The following FAM81A variants were observed in gnomAD, a reference collection of about 807,000 sequenced individuals.
FAM81A encodes family with sequence similarity 81 member A.
A neutral mutation model predicts 46.7 loss-of-function variants in FAM81A; 19 were observed. That is an observed-to-expected ratio of 0.41 (90% confidence interval 0.28 to 0.60). FAM81A has a LOEUF of 0.60. Ranked by LOEUF, FAM81A falls within the 20% of genes least tolerant of loss-of-function variation. The probability of loss-of-function intolerance (pLI) is 0.34; values close to 1 mark genes in which losing one functional copy is unlikely to be tolerated. For synonymous variants in FAM81A, 183 were observed against 152.9 expected, an observed-to-expected ratio of 1.20 and a Z score of -1.45; for missense variants, 377 against 453.5, an observed-to-expected ratio of 0.83 and a Z score of 1.53.
upstream of FAM81A, among the ~76,000 whole-genome samples, chr15:59,437,845 C>T (rs1469648758): frequency 4.6e-5 from 7 of 152,190 alleles, no homozygotes; most frequent in Non-Finnish European, 7.4e-5. Context: ...TCAACCATCC[C>T]TACAACAGGA....
intron 4 of FAM81A, among the ~76,000 whole-genome samples, chr15:59,494,212 C>T (rs1452717519): frequency 1.3e-5 from 2 of 152,186 alleles, no homozygotes; most frequent in Non-Finnish European, 2.9e-5. Flanking sequence ...TTATGCATTT[C>T]GGCTTAAAAG....
chr15:59,403,297 G>A (rs879802652), intron 2 of FAM81A, among the ~76,000 whole-genome samples: 9 of 152,116 alleles, frequency 5.9e-5, no homozygotes, highest in Admixed American at 5.9e-4. Flanking sequence ...ATTTAAAGAG[G>A]AAATTAAGGT....
chr15:59,494,388 A>G (rs1175969133), intron 4 of FAM81A, among the ~76,000 whole-genome samples: 2 of 152,200 alleles, frequency 1.3e-5, no homozygotes, highest in East Asian at 3.9e-4. Context: ...GGTGCCCTGC[A>G]TGCGATGAAA....
intron 3 of FAM81A, among the ~76,000 whole-genome samples, chr15:59,470,424 C>G (rs1189379050): frequency 5.9e-5 from 9 of 152,072 alleles, no homozygotes; most frequent in African/African-American, 1.9e-4. Flanking sequence ...TTTTCTCTAA[C>G]CTTGTCTTCT....
chr15:59,436,419 G>A (rs548951132), upstream of FAM81A, among the ~76,000 whole-genome samples: 2 of 152,200 alleles, frequency 1.3e-5, no homozygotes, highest in Admixed American at 6.5e-5. Flanking sequence ...CAGTATTGGG[G>A]TGGGCGGGGA....
chr15:59,490,107 A>T (rs2141749356), intron 3 of FAM81A, among the ~76,000 whole-genome samples: 1 of 152,230 alleles, frequency 6.6e-6, no homozygotes, highest in Non-Finnish European at 1.5e-5. Context: ...CTGAACCAAA[A>T]ATAAAAGTTG....
At position 59,499,661 on chromosome 15, in the gene FAM81A, A is replaced by AGTAAGATTCTTGGTTGGAT. The variant is rs1442583490; in HGVS notation, c.413+7289_413+7307dup. ...ATTTTGCCTTATTTTTTTGAAAAGTAGTAAGATTCTTGGTTGGATGTAAGA... is the reference window on the plus strand; with the variant it reads ...ATTTTGCCTTATTTTTTTGAAAAGTAGTAAGATTCTTGGTTGGATGTAAGATTCTTGGTTGGATGTAAGA... On this transcript the variant is annotated intron_variant, in intron 4 of 8. Coordinates refer to ENST00000288228, the MANE Select transcript of FAM81A (RefSeq NM_152450.3). Among the ~76,000 whole-genome samples, 3 of 152,126 alleles carry AGTAAGATTCTTGGTTGGAT rather than the reference A, an allele frequency of 2.0e-5. No individual in the cohort carries two copies. In the East Asian group the frequency reaches 5.8e-4, roughly 29 times the overall value.
chr15:59,426,657 T>C (rs2081196250), intron 2 of FAM81A, among the ~76,000 whole-genome samples: 1 of 152,196 alleles, frequency 6.6e-6, no homozygotes, highest in African/African-American at 2.4e-5. Context: ...GTACTCAGTT[T>C]ATAAAATCAA....
intron 3 of FAM81A, among the ~76,000 whole-genome samples, chr15:59,491,697 C>T (rs771102163): frequency 2.0e-5 from 3 of 152,220 alleles, no homozygotes; most frequent in Non-Finnish European, 4.4e-5. Context: ...GTAATCCCAG[C>T]ACTTTGGGAG....
chr15:59,510,777 C>CAAAAAAAAAAAAAAAAAAAAAAA (rs71119479), intron 6 of FAM81A, among the ~76,000 whole-genome samples: 2 of 25,774 alleles, frequency 7.8e-5, no homozygotes, highest in African/African-American at 1.6e-4. Context: ...GACCCTGTCT[C>CAAAAAAAAAAAAAAAAAAAAAAA]AAAAAAAAAA....
chr15:59,499,516 G>A (rs2082068666), intron 4 of FAM81A, among the ~76,000 whole-genome samples: 1 of 152,068 alleles, frequency 6.6e-6, no homozygotes, highest in African/African-American at 2.4e-5. Context: ...TTTTTCATGA[G>A]GATTCAAATT....
chr15:59,433,654 A>G (rs914385250), upstream of FAM81A, among the ~76,000 whole-genome samples: 12 of 152,200 alleles, frequency 7.9e-5, no homozygotes, highest in African/African-American at 2.7e-4. Flanking sequence ...ATAAAAGAGG[A>G]AAAAAGGAAT....
At chr15:59,454,976 A>G (rs1348848471) in intron 1 of FAM81A, among the ~76,000 whole-genome samples, 3 of 147,290 alleles carry the variant, frequency 2.0e-5, no homozygotes, top group African/African-American at 7.6e-5. Context: ...GGGTTTTGCC[A>G]TGTTGCCCAG....
chr15:59,421,811 C>CA (rs1223847670), intron 2 of FAM81A, among the ~76,000 whole-genome samples: 2 of 150,712 alleles, frequency 1.3e-5, no homozygotes, highest in Non-Finnish European at 2.9e-5. Context: ...AACTACCTAC[C>CA]AAAAAAGCAT....
chr15:59,416,064 A>T (rs1278590755), intron 2 of FAM81A, among the ~76,000 whole-genome samples: 1 of 152,234 alleles, frequency 6.6e-6, no homozygotes, highest in Non-Finnish European at 1.5e-5. Context: ...AACCACAGAA[A>T]AATGGAAAGA....
rs559291658 is a variant in FAM81A, at chr15:59,460,035, G to A, written c.123G>A (p.Glu41=). 1.2e-6 allele frequency: 2 copies of A among 1,613,900 alleles called. No individual in the cohort carries two copies. The highest frequency in any genetic ancestry group is 2.2e-5 in the South Asian group (2 of 91,074). Residue 41 remains glutamate, a synonymous_variant, in exon 3 of 9, where the codon GAG becomes GAA. Coordinates refer to ENST00000288228, the MANE Select transcript of FAM81A (RefSeq NM_152450.3). The surrounding 1 kb of genome is among the most constrained non-coding windows in gnomAD (Gnocchi z 4.4). ...EQLEDRILCH[E]KTTAALVEHA... ...TGGAAGACAGGATCCTCTGCCATGA[G>A]AAAACCACCGCCGCCCTCGTAGAGC...
rs919865930 is a variant in FAM81A at position 59,522,106 on chromosome 15, C to T, written c.*728C>T. On this transcript the variant is annotated 3_prime_UTR_variant, in exon 9 of 9. Transcript: ENST00000288228. ...AAAACTATTTTTGAATTATCCACAA[C>T]CTGTATAGTGATAGCCATATATTTA... 6.6e-6 allele frequency: 1 copy of T among 152,516 alleles called. No homozygotes were observed. The highest frequency in any genetic ancestry group is 1.9e-4 in the East Asian group (1 of 5,180). 9.4% of individuals were successfully genotyped at this position (152,516 alleles called of 1,614,324 possible). A position where few individuals can be genotyped will look rare whatever the true frequency, so the allele number is the denominator to read the frequency against.
intron 8 of FAM81A, among the ~76,000 whole-genome samples, chr15:59,520,144 A>T (rs1480466302): frequency 6.6e-6 from 1 of 150,832 alleles, no homozygotes; most frequent in African/African-American, 2.4e-5. Context: ...GTGTTAGTGT[A>T]TTTGTATTGC....
At chr15:59,503,626 G>A (rs1447142841) in intron 4 of FAM81A, among the ~76,000 whole-genome samples, 1 of 151,830 alleles carries the variant, frequency 6.6e-6, no homozygotes, top group East Asian at 1.9e-4. Flanking sequence ...AGGCTGGAGT[G>A]CAATGGCGCA....
Sources: gnomAD v4.1 joint callset for allele counts (sites outside exome capture counted in the v4.1 genomes callset) on GRCh38, gnomAD v4.1.1 for gene constraint, Gnocchi (gnomAD v3.1) non-coding constraint, MANE v1.5 for transcripts, NCBI Gene and HGNC (gene_info 2026-07-23, HGNC 2026-07-21) for gene names.